Variants in ADORA2B observed in about 807,000 individuals in gnomAD.
The protein encoded by ADORA2B is adenosine receptor A2b.
A neutral mutation model predicts 20.8 loss-of-function variants in ADORA2B; 18 were observed. That is an observed-to-expected ratio of 0.87 (90% confidence interval 0.60 to 1.29). ADORA2B has a LOEUF of 1.29. Among genes scored for constraint, ADORA2B ranks in the 50% most tolerant of loss-of-function variants. The pLI is 0.00. For missense variants in ADORA2B, 441 were observed against 422.7 expected, an observed-to-expected ratio of 1.04 and a Z score of -0.38; for synonymous variants, 179 against 178.3, an observed-to-expected ratio of 1.00 and a Z score of -0.03.
At chr17:15,900,390 T>C in the ADORA2B span, among the ~76,000 whole-genome samples, 6 of 152,184 alleles carry the variant, frequency 3.9e-5, no homozygotes, top group African/African-American at 1.4e-4. Flanking sequence ...GTATAAGCAT[T>C]CCCTTTTCTC....
At chr17:15,972,961 A>T (rs1276858403) in intron 1 of ADORA2B, among the ~76,000 whole-genome samples, 2 of 152,112 alleles carry the variant, frequency 1.3e-5, no homozygotes, top group Admixed American at 6.5e-5. Context: ...GAGTTTCACC[A>T]TGTTGCCCAG....
At chr17:15,889,754 C>A in the ADORA2B span, among the ~76,000 whole-genome samples, 2 of 128,140 alleles carry the variant, frequency 1.6e-5, 1 homozygote, top group African/African-American at 6.7e-5. Context: ...AAAAATTAGC[C>A]GGGTGTGGTA....
At chr17:15,929,870 G>A in the ADORA2B span, among the ~76,000 whole-genome samples, 1 of 152,114 alleles carries the variant, frequency 6.6e-6, no homozygotes, top group Non-Finnish European at 1.5e-5. Flanking sequence ...TGGGGGAAGG[G>A]GAAAATGGGG....
At chr17:15,919,507 ATGGG>A in the ADORA2B span, among the ~76,000 whole-genome samples, 4 of 152,136 alleles carry the variant, frequency 2.6e-5, no homozygotes, top group African/African-American at 9.7e-5. Flanking sequence ...CTCTCCAGCT[ATGGG>A]TGTCATTTTG....
At chr17:15,874,940 T>C in the ADORA2B span, among the ~76,000 whole-genome samples, 139 of 152,260 alleles carry the variant, frequency 9.1e-4, 3 homozygotes, top group East Asian at 0.025. Context: ...TGGATACATA[T>C]TTGATCTTGT....
the ADORA2B span, among the ~76,000 whole-genome samples, chr17:15,903,644 G>A: frequency 6.6e-6 from 1 of 152,106 alleles, no homozygotes; most frequent in African/African-American, 2.4e-5. Flanking sequence ...TTCTTGTTTG[G>A]AAAATTATTG....
the ADORA2B span, among the ~76,000 whole-genome samples, chr17:15,924,127 G>A: frequency 1.3e-5 from 2 of 152,054 alleles, no homozygotes; most frequent in African/African-American, 4.8e-5. Context: ...TGGCCAGGCT[G>A]GTCTCGATCT....
chr17:15,897,732 T>G, the ADORA2B span, among the ~76,000 whole-genome samples: 1 of 152,184 alleles, frequency 6.6e-6, no homozygotes, highest in Non-Finnish European at 1.5e-5. Context: ...CAGGAAAATC[T>G]AAGCAGAAAT....
chr17:15,897,638 T>C, the ADORA2B span, among the ~76,000 whole-genome samples: 6 of 152,218 alleles, frequency 3.9e-5, no homozygotes, highest in Non-Finnish European at 7.4e-5. Context: ...CAGGAAATTA[T>C]CAAAGGCTAC....
chr17:15,897,539 G>T, the ADORA2B span, among the ~76,000 whole-genome samples: 13 of 152,142 alleles, frequency 8.5e-5, no homozygotes, highest in African/African-American at 2.9e-4. Flanking sequence ...CTGCACTCCA[G>T]CCTGGGTGAC....
the ADORA2B span, among the ~76,000 whole-genome samples, chr17:15,888,549 C>T: frequency 2.0e-4 from 25 of 126,372 alleles, 5 homozygotes; most frequent in Non-Finnish European, 4.1e-4. Context: ...AATTGGACTC[C>T]GTCTCTTAAG....
At chr17:15,949,613 C>T (rs929838813) in intron 1 of ADORA2B, among the ~76,000 whole-genome samples, 1 of 151,256 alleles carries the variant, frequency 6.6e-6, no homozygotes, top group East Asian at 2.0e-4. Flanking sequence ...GGCTCACACC[C>T]GTAATCACAG....
chr17:15,932,951 A>ATTT, the ADORA2B span, among the ~76,000 whole-genome samples: 5 of 135,968 alleles, frequency 3.7e-5, no homozygotes, highest in Admixed American at 7.5e-5. Context: ...TAGTCCTTCA[A>ATTT]TTTTTTTTTT....
At chr17:15,858,448 T>C in the ADORA2B span, among the ~76,000 whole-genome samples, 1 of 152,226 alleles carries the variant, frequency 6.6e-6, no homozygotes, top group Non-Finnish European at 1.5e-5. Flanking sequence ...AGGAAAGATA[T>C]TCACAAAGCT....
At chr17:15,947,840 G>A (rs905212812) in intron 1 of ADORA2B, among the ~76,000 whole-genome samples, 2 of 152,208 alleles carry the variant, frequency 1.3e-5, no homozygotes, top group Middle Eastern at 3.2e-3. Flanking sequence ...AGTGGGTGTC[G>A]AGGGGATTCC....
At chr17:15,888,852 T>G in the ADORA2B span, among the ~76,000 whole-genome samples, 1 of 19,666 alleles carries the variant, frequency 5.1e-5, no homozygotes. Flanking sequence ...ATATATATAT[T>G]TTTTTTTTTT....
chr17:15,928,980 G>A, the ADORA2B span, among the ~76,000 whole-genome samples: 1 of 152,134 alleles, frequency 6.6e-6, no homozygotes, highest in Non-Finnish European at 1.5e-5. Flanking sequence ...TTCTGGAAAA[G>A]TAGGGAGAAG....
the ADORA2B span, among the ~76,000 whole-genome samples, chr17:15,907,547 C>CT: frequency 6.6e-6 from 1 of 152,144 alleles, no homozygotes; most frequent in Non-Finnish European, 1.5e-5. Context: ...ACAGGATGCC[C>CT]TTGCCCCTCC....
intron 1 of ADORA2B, among the ~76,000 whole-genome samples, chr17:15,946,797 C>G (rs545006601): frequency 6.6e-6 from 1 of 152,144 alleles, no homozygotes; most frequent in Admixed American, 6.5e-5. Context: ...CACCGTGTCC[C>G]CACCCATGCC....
Sources: gnomAD v4.1 joint callset for allele counts (sites outside exome capture counted in the v4.1 genomes callset) on GRCh38, gnomAD v4.1.1 for gene constraint, MANE v1.5 for transcripts, NCBI Gene and HGNC (gene_info 2026-07-23, HGNC 2026-07-21) for gene names.